Variants in ZMYM4 observed in about 807,000 individuals in gnomAD.
ZMYM4 encodes zinc finger MYM-type protein 4.
A neutral mutation model predicts 183.2 loss-of-function variants in ZMYM4; 31 were observed. The observed-to-expected ratio is 0.17, with a 90% CI of 0.13 to 0.23. The LOEUF is 0.23. ZMYM4 is among the 10% of genes least tolerant of loss of function. The probability of loss-of-function intolerance (pLI) is 1.00; values close to 1 mark genes in which losing one functional copy is unlikely to be tolerated. For synonymous variants in ZMYM4, 592 were observed against 631.2 expected, an observed-to-expected ratio of 0.94 and a Z score of 0.93; for missense variants, 1,273 against 1,840.3, an observed-to-expected ratio of 0.69 and a Z score of 5.64.
intron 2 of ZMYM4, among the ~76,000 whole-genome samples, chr1:35,338,268 G>A (rs1643058791): frequency 6.6e-6 from 1 of 152,168 alleles, no homozygotes; most frequent in East Asian, 1.9e-4. Flanking sequence ...AGTTTCTTTT[G>A]TGCAGTTGAT....
intron 2 of ZMYM4, among the ~76,000 whole-genome samples, chr1:35,342,679 T>C (rs967215274): frequency 6.6e-6 from 1 of 151,956 alleles, no homozygotes; most frequent in African/African-American, 2.4e-5. Context: ...TTGTTGTTGT[T>C]GTTGTTGTTG....
chr1:35,416,828 T>G (rs1640134817), intron 28 of ZMYM4, among the ~76,000 whole-genome samples: 1 of 152,158 alleles, frequency 6.6e-6, no homozygotes, highest in Non-Finnish European at 1.5e-5. Context: ...CCTCTCAAAG[T>G]GCTGGGATTA....
Position 35,365,239 on chromosome 1 carries a change from C to CTT in ZMYM4, c.840+3473_840+3474dup, listed in dbSNP as rs746304675. On this transcript the variant is annotated intron_variant, in intron 5 of 29. Transcript: ENST00000314607. ...GCCAATCTGGGGTCATAATCAAAGT[C>CTT]TTTTTTTTTTTTTTTTTTTTTTTTA... 4.6e-3 allele frequency among the ~76,000 whole-genome samples: 393 copies of CTT among 85,290 alleles called. 3 individuals are homozygous for CTT. The highest frequency in any genetic ancestry group is 6.9e-3 in the Non-Finnish European group (284 of 41,118). 56.0% of individuals were successfully genotyped at this position (85,290 alleles called of 152,430 possible).
In ZMYM4 at chr1:35,393,729, A is replaced by G; in HGVS notation, c.2901A>G (p.Glu967=). 1 of 1,607,650 alleles carries G rather than the reference A, an allele frequency of 6.2e-7. No individual in the cohort carries two copies. The highest frequency in any genetic ancestry group is 8.5e-7 in the Non-Finnish European group (1 of 1,177,330). Residue 967 remains glutamate, a synonymous_variant, in exon 18 of 30, where the codon GAA becomes GAG. Coordinates refer to ENST00000314607, the MANE Select transcript of ZMYM4 (RefSeq NM_005095.3). ...GCAAACCACATACCCAAAACAAAGAATGCCAGACAGGTATGTTCCTTGGTC... is the reference window on the plus strand; with the variant it reads ...GCAAACCACATACCCAAAACAAAGAGTGCCAGACAGGTATGTTCCTTGGTC... ...TSCKPHTQNK[E]CQTEDTPSQP...
At chr1:35,352,592 T>C (rs1243169260) in intron 2 of ZMYM4, among the ~76,000 whole-genome samples, 4 of 152,238 alleles carry the variant, frequency 2.6e-5, no homozygotes, top group African/African-American at 9.6e-5. Context: ...CCCACTGATG[T>C]AGCTGTTCTC....
chr1:35,368,412 T>C (rs564377968), intron 5 of ZMYM4, among the ~76,000 whole-genome samples: 38 of 152,258 alleles, frequency 2.5e-4, no homozygotes, highest in Non-Finnish European at 4.7e-4. Context: ...GAAACAAATA[T>C]ATAAAATTTT....
intron 5 of ZMYM4, among the ~76,000 whole-genome samples, 160 bp from the exon 6 acceptor site, chr1:35,369,864 TATTTA>T (rs1644166287): frequency 6.6e-6 from 1 of 152,126 alleles, no homozygotes; most frequent in South Asian, 2.1e-4. Context: ...ATTTTACCTA[TATTTA>T]ATTATAGTTT....
At chr1:35,385,991 TATTG>T in intron 10 of ZMYM4, 79 bp from the exon 11 acceptor site, 2 of 936,488 alleles carry the variant, frequency 2.1e-6, no homozygotes, top group East Asian at 5.8e-5. Context: ...AATTTTCTTA[TATTG>T]TATAGTATTA....
chr1:35,333,100 C>T (rs1642824728), intron 2 of ZMYM4, among the ~76,000 whole-genome samples: 1 of 152,056 alleles, frequency 6.6e-6, no homozygotes, highest in South Asian at 2.1e-4. Flanking sequence ...AAAATAAAAT[C>T]TGCTGTCACA....
intron 9 of ZMYM4, among the ~76,000 whole-genome samples, chr1:35,383,382 G>A (rs1285321913): frequency 6.6e-6 from 1 of 152,068 alleles, no homozygotes; most frequent in Non-Finnish European, 1.5e-5. Context: ...TTTTTGTACA[G>A]TTTACCAAAA....
At chr1:35,343,768 G>A (rs1168369373) in intron 2 of ZMYM4, among the ~76,000 whole-genome samples, 1 of 151,910 alleles carries the variant, frequency 6.6e-6, no homozygotes, top group African/African-American at 2.4e-5. Context: ...GGGAGGCTGA[G>A]GCAGACAATT....
At chr1:35,340,450 A>G (rs1643157017) in intron 2 of ZMYM4, among the ~76,000 whole-genome samples, 1 of 152,030 alleles carries the variant, frequency 6.6e-6, no homozygotes. Context: ...ATATATAATG[A>G]AAATAATTAT....
intron 1 of ZMYM4, among the ~76,000 whole-genome samples, chr1:35,324,796 G>A (rs908769975): frequency 8.5e-5 from 13 of 152,140 alleles, no homozygotes; most frequent in East Asian, 3.8e-4. Context: ...TAGTTCTTTG[G>A]TGGAGTTACC....
At chr1:35,400,192 G>T (rs1644880470) in intron 23 of ZMYM4, 2 of 139,430 alleles carry the variant, frequency 1.4e-5, no homozygotes, top group African/African-American at 5.5e-5. Context: ...ATACTGAGTA[G>T]TTCACTATTT....
At chr1:35,377,068 G>A (rs936194667) in intron 7 of ZMYM4, among the ~76,000 whole-genome samples, 3 of 151,826 alleles carry the variant, frequency 2.0e-5, no homozygotes, top group South Asian at 2.1e-4. Context: ...CACCATGCCC[G>A]GCTAATTTTT....
intron 1 of ZMYM4, among the ~76,000 whole-genome samples, chr1:35,287,146 G>A (rs770740737): frequency 8.7e-5 from 13 of 150,254 alleles, no homozygotes; most frequent in Admixed American, 3.3e-4. Context: ...CTCTTTTTGC[G>A]TGCTCAATAA....
At chr1:35,277,908 TG>T (rs1036994002) in intron 1 of ZMYM4, among the ~76,000 whole-genome samples, 1 of 152,206 alleles carries the variant, frequency 6.6e-6, no homozygotes, top group African/African-American at 2.4e-5. Flanking sequence ...TCATTATTTT[TG>T]GTGTTCAATT....
Position 35,418,425 on chromosome 1 carries a change from A to G in ZMYM4, c.4310-18A>G. The G allele has an allele frequency of 6.2e-7, 1 of 1,612,148 alleles. No homozygotes were observed. ...ACTTTTCTAATATAATCCTTTGATT[A>G]TTATTTCCTGTCTCAAGATAAACTG... On this transcript the variant is annotated intron_variant, in intron 28 of 29. Coordinates refer to ENST00000314607, the MANE Select transcript of ZMYM4 (RefSeq NM_005095.3).
intron 1 of ZMYM4, chr1:35,310,295 A>G: frequency 4.8e-6 from 1 of 209,302 alleles, no homozygotes; most frequent in Non-Finnish European, 9.4e-6. Context: ...GTTGTAGATG[A>G]TTTGAAAGAT....
Sources: allele counts gnomAD v4.1 joint callset (sites outside exome capture counted in the v4.1 genomes callset), GRCh38; gene constraint gnomAD v4.1.1; transcripts MANE v1.5; gene names NCBI Gene and HGNC (gene_info 2026-07-23, HGNC 2026-07-21).